The following ASB3 variants were observed in gnomAD, a reference collection of about 807,000 sequenced individuals.
ASB3 encodes the protein ankyrin repeat and SOCS box containing 3, also known as ankyrin repeat and SOCS box protein 3.
ASB3 carries 41 observed loss-of-function variants against 54.5 expected under a neutral mutation model. The observed-to-expected ratio is 0.75, with a 90% CI of 0.59 to 0.98. The LOEUF (loss-of-function observed/expected upper bound fraction) is 0.98, where lower values mean the gene tolerates loss of function less well. Ranked by LOEUF, ASB3 falls within the 50% of genes least tolerant of loss-of-function variation. The probability of loss-of-function intolerance (pLI) is 0.00; values close to 1 mark genes in which losing one functional copy is unlikely to be tolerated. For missense variants in ASB3, 733 were observed against 620.0 expected, an observed-to-expected ratio of 1.18 and a Z score of -1.94; for synonymous variants, 266 against 221.2, an observed-to-expected ratio of 1.20 and a Z score of -1.80.
intron 2 of ASB3, among the ~76,000 whole-genome samples, chr2:53,764,216 C>T (rs1197791140): frequency 1.3e-5 from 2 of 152,116 alleles, no homozygotes; most frequent in Admixed American, 6.5e-5. Context: ...TGAATTTCCA[C>T]GATCAATGAA....
At chr2:53,763,304 A>G (rs1265736606) in intron 2 of ASB3, among the ~76,000 whole-genome samples, 1 of 152,144 alleles carries the variant, frequency 6.6e-6, no homozygotes, top group Non-Finnish European at 1.5e-5. Flanking sequence ...GGTGGTGGTG[A>G]GCTGAGGTCG....
intron 3 of ASB3, among the ~76,000 whole-genome samples, chr2:53,734,261 C>A (rs1444601695): frequency 2.6e-5 from 4 of 152,184 alleles, no homozygotes; most frequent in Admixed American, 2.6e-4. Context: ...ATTGTCTCTT[C>A]TCCAGTTTTT....
chr2:53,745,147 A>G (rs1672155173), intron 3 of ASB3, among the ~76,000 whole-genome samples: 1 of 152,194 alleles, frequency 6.6e-6, no homozygotes, highest in Non-Finnish European at 1.5e-5. Context: ...TATTATAGCT[A>G]TCAACAAGAA....
At chr2:53,698,541 T>G (rs1669311140) in intron 8 of ASB3, among the ~76,000 whole-genome samples, 1 of 152,204 alleles carries the variant, frequency 6.6e-6, no homozygotes, top group Admixed American at 6.5e-5. Flanking sequence ...GCTTTGCTAC[T>G]TAGTTATTTC....
chr2:53,766,117 C>T (rs1673436074), intron 1 of ASB3, among the ~76,000 whole-genome samples: 1 of 152,332 alleles, frequency 6.6e-6, no homozygotes, highest in East Asian at 1.9e-4. Flanking sequence ...CCTGCACCTG[C>T]TTGTCCTTTC....
chr2:53,713,392 C>A (rs78012321), intron 7 of ASB3, among the ~76,000 whole-genome samples: 1 of 152,328 alleles, frequency 6.6e-6, no homozygotes, highest in Non-Finnish European at 1.5e-5. Context: ...ATCTTCATAA[C>A]TTATTCCATT....
chr2:53,694,885 G>A (rs962564444), intron 8 of ASB3, among the ~76,000 whole-genome samples: 1 of 152,064 alleles, frequency 6.6e-6, no homozygotes, highest in African/African-American at 2.4e-5. Context: ...AGTATTATAC[G>A]AAAAATTGGT....
intron 2 of ASB3, among the ~76,000 whole-genome samples, chr2:53,758,927 A>G (rs964324846): frequency 1.3e-5 from 2 of 152,178 alleles, no homozygotes; most frequent in African/African-American, 2.4e-5. Flanking sequence ...ACTTGAAGCA[A>G]ATTAAAATAG....
chr2:53,682,526 G>C (rs964508702), intron 9 of ASB3, among the ~76,000 whole-genome samples: 3 of 151,888 alleles, frequency 2.0e-5, no homozygotes, highest in Admixed American at 6.6e-5. Flanking sequence ...ACCCAGGCTG[G>C]AGTGCAGTGG....
chr2:53,723,400 T>C (rs896719921), intron 5 of ASB3, among the ~76,000 whole-genome samples: 2 of 152,272 alleles, frequency 1.3e-5, no homozygotes, highest in East Asian at 1.9e-4. Flanking sequence ...AGTTCTTTAG[T>C]GGTGATTTGT....
At chr2:53,707,957 G>A (rs1381790888) in intron 7 of ASB3, among the ~76,000 whole-genome samples, 2 of 102,404 alleles carry the variant, frequency 2.0e-5, no homozygotes, top group Non-Finnish European at 1.9e-5. Context: ...GTCAGACTCT[G>A]TCTCAAAAAA....
Position 53,670,087 on chromosome 2 carries a change from G to A in ASB3, c.*416C>T, listed in dbSNP as rs1210085009. The A allele has an allele frequency of 1.9e-5, 3 of 159,530 alleles. No individual in the cohort carries two copies. The highest frequency in any genetic ancestry group is 7.3e-5 in the African/African-American group (3 of 41,318). 9.9% of individuals were successfully genotyped at this position (159,530 alleles called of 1,614,324 possible). On this transcript the variant is annotated 3_prime_UTR_variant, in exon 10 of 10. Transcript: ENST00000263634. ...CACAGTTGTATACACTTCCAGTGAAGCTTTATGCATTCCATTCTGAGCTCC... is the reference window on the plus strand; with the variant it reads ...CACAGTTGTATACACTTCCAGTGAAACTTTATGCATTCCATTCTGAGCTCC...
Position 53,750,076 on chromosome 2 carries a change from A to G in ASB3, c.355+707T>C, listed in dbSNP as rs554218060. Among the ~76,000 whole-genome samples the G allele has an allele frequency of 3.3e-5, 5 of 152,232 alleles. No individual in the cohort carries two copies. The East Asian group carries it at 9.6e-4, about 29-fold the overall frequency. Reference sequence around the variant, plus strand: ...GTGAGGATACTGAAACATATAGTAAATAAATAAATATACAAATTACATGTG... The same window carrying G: ...GTGAGGATACTGAAACATATAGTAAGTAAATAAATATACAAATTACATGTG... On this transcript the variant is annotated intron_variant, in intron 3 of 9. Coordinates refer to ENST00000263634, the MANE Select transcript of ASB3 (RefSeq NM_016115.5).
chr2:53,781,145 C>T (rs1674620422), intron 1 of ASB3, among the ~76,000 whole-genome samples: 1 of 152,064 alleles, frequency 6.6e-6, no homozygotes, highest in African/African-American at 2.4e-5. Flanking sequence ...AAGTGGCTCA[C>T]ACCTGTAATC....
chr2:53,755,259 T>A (rs1287309740), intron 2 of ASB3, among the ~76,000 whole-genome samples: 1 of 152,248 alleles, frequency 6.6e-6, no homozygotes, highest in Non-Finnish European at 1.5e-5. Context: ...TGTGTAGCAA[T>A]GACAAGAGTT....
At chr2:53,691,371 G>A (rs1668901393) in intron 9 of ASB3, among the ~76,000 whole-genome samples, 1 of 152,154 alleles carries the variant, frequency 6.6e-6, no homozygotes, top group African/African-American at 2.4e-5. Flanking sequence ...ACTGAATACT[G>A]AGTGGAGCTA....
chr2:53,726,587 T>C, intron 5 of ASB3, among the ~76,000 whole-genome samples: 1 of 150,592 alleles, frequency 6.6e-6, no homozygotes, highest in African/African-American at 2.4e-5. Context: ...TAATTAAACA[T>C]ATATATATAT....
At chr2:53,729,652 C>G in intron 3 of ASB3, 82 bp from the exon 4 acceptor site, 1 of 1,175,950 alleles carries the variant, frequency 8.5e-7, no homozygotes. Flanking sequence ...GTTCTCATCA[C>G]TTACTCACCT....
In ASB3 at chr2:53,694,184, C is replaced by G. The variant is rs10182641; in HGVS notation, c.1239-170G>C. 0.012 allele frequency: 7,762 copies of G among 636,650 alleles called. 415 individuals carry two copies. In the African/African-American group the frequency reaches 0.12, roughly 10 times the overall value. 39.4% of individuals were successfully genotyped at this position (636,650 alleles called of 1,614,324 possible). On this transcript the variant is annotated intron_variant, in intron 8 of 9. Transcript: ENST00000263634. ...TAGAGGCAAGATCAGAGGATATTAA[C>G]AATCATCTACAGGTTCCTATTAACT...
Sources: gnomAD v4.1 joint callset for allele counts (sites outside exome capture counted in the v4.1 genomes callset) on GRCh38, gnomAD v4.1.1 for gene constraint, MANE v1.5 for transcripts, NCBI Gene and HGNC (gene_info 2026-07-23, HGNC 2026-07-21) for gene names.